The following TONSL variants were observed in gnomAD, a reference collection of about 807,000 sequenced individuals.
TONSL encodes tonsoku-like protein.
Under a neutral mutation model 147.1 loss-of-function variants are expected in TONSL, and 112 were observed. The observed-to-expected ratio is 0.76, with a 90% CI of 0.65 to 0.89. The LOEUF is 0.89. TONSL is among the 40% of genes least tolerant of loss of function. The pLI is 0.00. For missense variants in TONSL, 1,883 were observed against 1,864.6 expected, an observed-to-expected ratio of 1.01 and a Z score of -0.18; for synonymous variants, 868 against 801.5, an observed-to-expected ratio of 1.08 and a Z score of -1.40.
chr8:144,443,220 G>A lies in TONSL; in HGVS notation c.366C>T (p.Asp122=). The change falls in exon 4 of 26, where the codon GAC becomes GAT. Residue 122 remains aspartate (D), a synonymous_variant. Transcript: ENST00000409379. ...GCAAAGCATCCCTCGACTGGCAGTG[G>A]TCATAGATGTCCAGGTGGGTGCGGC... is the stretch of plus-strand genomic sequence containing the variant. ...TIGRTHLDIY[D]HCQSRDALLQ... 6 of 1,550,858 alleles carry A rather than the reference G, an allele frequency of 3.9e-6. No homozygotes were observed. The highest frequency in any genetic ancestry group is 4.4e-6 in the Non-Finnish European group (5 of 1,146,988).
chr8:144,443,002 T>G, intron 4 of TONSL, 136 bp downstream of exon 4: 1 of 1,245,392 alleles, frequency 8.0e-7, no homozygotes, highest in African/African-American at 1.5e-5. Flanking sequence ...GAGCGGGGCA[T>G]GCACCCCTCA....
At position 144,435,186 on chromosome 8, in the gene TONSL, C is replaced by CGCT. The variant is rs760826848; in HGVS notation, c.2853-19_2853-17dup. The CGCT allele has an allele frequency of 2.5e-4, 369 of 1,501,798 alleles. No homozygotes were observed. The highest frequency in any genetic ancestry group is 3.1e-4 in the Non-Finnish European group (354 of 1,126,706). 93.0% of individuals were successfully genotyped at this position (1,501,798 alleles called of 1,614,324 possible). A position where few individuals can be genotyped will look rare whatever the true frequency, so the allele number is the denominator to read the frequency against. On this transcript the variant is annotated splice_polypyrimidine_tract_variant and intron_variant, in intron 18 of 25. Coordinates refer to ENST00000409379, the MANE Select transcript of TONSL (RefSeq NM_013432.5). The stretch of plus-strand genomic sequence containing the variant: ...GGTGTCACTGCTGCAGGGACAGAGG[C>CGCT]GCTGCTGCTGCTGCCTGCACACAGC...
Position 144,430,486 on chromosome 8 carries a change from A to C in TONSL, c.3861T>G (p.Pro1287=), listed in dbSNP as rs147696873. Residue 1287 remains proline (P), a synonymous_variant, in exon 25 of 26, where the codon CCT becomes CCG. Transcript: ENST00000409379. The part of the protein sequence containing the change: ...SLISLDLSAN[P]EISCASLEEL... Reference sequence around the variant, plus strand: ...CTTCCAAGCTGGCACAGCTGATCTCAGGGTTGGCAGACAGATCCAGTGAGA... The same window carrying C: ...CTTCCAAGCTGGCACAGCTGATCTCCGGGTTGGCAGACAGATCCAGTGAGA... 3.1e-6 allele frequency: 5 copies of C among 1,613,234 alleles called. No individual in the cohort carries two copies. In the African/African-American group the frequency reaches 5.3e-5, roughly 17 times the overall value.
chr8:144,429,973 T>C (rs1260102477), intron 25 of TONSL, among the ~76,000 whole-genome samples: 2 of 152,134 alleles, frequency 1.3e-5, no homozygotes, highest in Non-Finnish European at 2.9e-5. Flanking sequence ...TGCCCTGATG[T>C]GGCTCAAGAG....
chr8:144,438,746 G>A lies in TONSL; in HGVS notation c.1481-11C>T. 6.2e-7 allele frequency: 1 copy of A among 1,612,546 alleles called. No homozygotes were observed. Among genetic ancestry groups the A allele is most frequent in the Non-Finnish European group, 8.5e-7 (1 of 1,179,710 alleles). Reference sequence around the variant, plus strand: ...CATCGGTGTCGTCCTCTGGAACAGAGCCAAGCCCACCCCAGGGGAGTCCGT... The same window carrying A: ...CATCGGTGTCGTCCTCTGGAACAGAACCAAGCCCACCCCAGGGGAGTCCGT... On this transcript the variant is annotated splice_polypyrimidine_tract_variant and intron_variant, in intron 11 of 25. Coordinates refer to ENST00000409379, the MANE Select transcript of TONSL (RefSeq NM_013432.5).
chr8:144,436,007 C>T lies in TONSL; in HGVS notation c.2426G>A (p.Gly809Asp). 1 of 1,551,332 alleles carries T rather than the reference C, an allele frequency of 6.4e-7. No individual in the cohort carries two copies. Among genetic ancestry groups the T allele is most frequent in the Non-Finnish European group, 8.7e-7 (1 of 1,151,724 alleles). ...VGSAQSRLGP[G>D]PPRGHSKALA... The stretch of plus-strand genomic sequence containing the variant: ...GGCTTTGCTGTGGCCCCGCGGTGGG[C>T]CAGGCCCCAGCCGGCTCTGAGCACT... Residue 809 changes from glycine (G) to aspartate (D), a missense_variant, in exon 17 of 26, where the codon GGC becomes GAC. Coordinates refer to ENST00000409379, the MANE Select transcript of TONSL (RefSeq NM_013432.5).
chr8:144,438,465 G>A lies in TONSL; in HGVS notation c.1653+6C>T, dbSNP rs372351783. The stretch of plus-strand genomic sequence containing the variant: ...AGCCTGTCCCACGTCCCAGAGCGGG[G>A]CCCACCTGCCTCACAAGGTCCTGGA... On this transcript the variant is annotated splice_donor_region_variant and intron_variant, in intron 13 of 25. Coordinates refer to ENST00000409379, the MANE Select transcript of TONSL (RefSeq NM_013432.5). 5 of 1,611,812 alleles carry A rather than the reference G, an allele frequency of 3.1e-6. No homozygotes were observed. The highest frequency in any genetic ancestry group is 4.2e-6 in the Non-Finnish European group (5 of 1,179,622).
chr8:144,438,155 C>T (rs1309069572), intron 13 of TONSL: 3 of 401,458 alleles, frequency 7.5e-6, no homozygotes, highest in Non-Finnish European at 9.2e-6. Context: ...CCTGCCTTGG[C>T]ATCCCAAAGT....
In TONSL at chr8:144,436,777, C is replaced by T. The variant is rs143988174; in HGVS notation, c.1870G>A (p.Val624Ile). 19 of 1,610,816 alleles carry T rather than the reference C, an allele frequency of 1.2e-5. No homozygotes were observed. The highest frequency in any genetic ancestry group is 3.3e-5 in the South Asian group (3 of 91,010). Residue 624 changes from valine to isoleucine, a missense_variant, in exon 15 of 26, where the codon GTC becomes ATC. Physicochemically the swap from Val to Ile is conservative, Grantham distance 29. Coordinates refer to ENST00000409379, the MANE Select transcript of TONSL (RefSeq NM_013432.5). ...AELLLERGAS[V>I]TLRTRKGLSP... The stretch of plus-strand genomic sequence containing the variant: ...CTCACCTTTCGAGTGCGGAGGGTGA[C>T]GGACGCCCCCCGTTCAAGCAGCAGC...
intron 23 of TONSL, 94 bp from the exon 24 acceptor site, chr8:144,431,245 G>A (rs1168891636): frequency 7.6e-6 from 9 of 1,182,378 alleles, no homozygotes; most frequent in African/African-American, 3.0e-5. Context: ...GGGCCCAGAA[G>A]GGAGCAGAGT....
At position 144,442,401 on chromosome 8, in the gene TONSL, AGGT is replaced by A; in HGVS notation, c.587_589del (p.His196del). 2 of 1,548,078 alleles carry A rather than the reference AGGT, an allele frequency of 1.3e-6. No individual in the cohort carries two copies. Among genetic ancestry groups the A allele is most frequent in the Non-Finnish European group, 1.7e-6 (2 of 1,145,186 alleles). ...GCGGGCGCGGAATAGGTCCTCGTAA[AGGT>A]GGTTCTGCCTGCAGAGGGGTGACGA... is the stretch of plus-strand genomic sequence containing the variant. On this transcript the variant is annotated inframe_deletion, in exon 6 of 26. Coordinates refer to ENST00000409379, the MANE Select transcript of TONSL (RefSeq NM_013432.5).
rs1823829972 is a variant in TONSL, at chr8:144,444,354, C to T, written c.25+36G>A. ...CGAGTCCCAAGCCCTCCCCAGCCTC[C>T]GCGCCCCCGGAGGAAGGGGTCCCCG... On this transcript the variant is annotated intron_variant, in intron 1 of 25. Transcript: ENST00000409379. The T allele has an allele frequency of 3.9e-6, 5 of 1,287,632 alleles. No homozygotes were observed. The African/African-American group carries it at 7.7e-5, about 20-fold the overall frequency. The allele number at this position is 1,287,632 out of a possible 1,614,324, so 79.8% of individuals were successfully genotyped here.
chr8:144,440,331 G>A lies in TONSL; in HGVS notation c.1290+20C>T. ...CTGGGCTCACCGGGGAGCCAGTATG[G>A]GTGGGATGGGCTCTCGCACCTGCAG... On this transcript the variant is annotated intron_variant, in intron 10 of 25. Coordinates refer to ENST00000409379, the MANE Select transcript of TONSL (RefSeq NM_013432.5). 6.3e-7 allele frequency: 1 copy of A among 1,576,112 alleles called. No homozygotes were observed. Among genetic ancestry groups the A allele is most frequent in the Non-Finnish European group, 8.6e-7 (1 of 1,157,128 alleles).
chr8:144,436,188 T>C lies in TONSL; in HGVS notation c.2245A>G (p.Ser749Gly), dbSNP rs775324481. 9 of 1,571,828 alleles carry C rather than the reference T, an allele frequency of 5.7e-6. No homozygotes were observed. Among genetic ancestry groups the C allele is most frequent in the African/African-American group, 5.4e-5 (4 of 74,366 alleles). ...TGGGACGGCCGTGCGGGGCCTGCGC[T>C]GTCCTCGCCTTCTGAGCTGCTGCTG... ...SSSSSSEGEDSAGPARPSQKR... is the reference protein window; with the variant it reads ...SSSSSSEGEDGAGPARPSQKR... Residue 749 changes from serine to glycine, a missense_variant, in exon 17 of 26, where the codon AGC (serine) becomes GGC (glycine). Transcript: ENST00000409379.
Position 144,443,230 on chromosome 8 carries a change from T to C in TONSL, c.356A>G (p.Asp119Gly). ...AWATIGRTHL[D>G]IYDHCQSRDA... ...CCTCGACTGGCAGTGGTCATAGATG[T>C]CCAGGTGGGTGCGGCCGATGGTGGC... is the stretch of plus-strand genomic sequence containing the variant. The change falls in exon 4 of 26, where the codon GAC (aspartate) becomes GGC (glycine). Residue 119 changes from aspartate (D) to glycine (G), a missense_variant. Physicochemically the swap from Asp to Gly is moderately conservative, Grantham distance 94. Coordinates refer to ENST00000409379, the MANE Select transcript of TONSL (RefSeq NM_013432.5). The C allele has an allele frequency of 1.3e-6, 2 of 1,550,814 alleles. No individual in the cohort carries two copies. Among genetic ancestry groups the C allele is most frequent in the South Asian group, 2.4e-5 (2 of 84,064 alleles).
intron 4 of TONSL, 44 bp from the exon 5 acceptor site, chr8:144,442,850 T>C (rs1823772471): frequency 1.3e-6 from 2 of 1,582,468 alleles, no homozygotes; most frequent in Non-Finnish European, 1.7e-6. Flanking sequence ...CCTCCCCACA[T>C]GGGGTTTCCA....
chr8:144,438,584 C>G, intron 12 of TONSL, 24 bp from the exon 13 acceptor site: 1 of 1,613,060 alleles, frequency 6.2e-7, no homozygotes, highest in Middle Eastern at 1.6e-4. Context: ...CAACCCAGCA[C>G]AGGGCAGGGG....
chr8:144,435,977 GC>G lies in TONSL; in HGVS notation c.2455del (p.Ala819ProfsTer24). 6.4e-7 allele frequency: 1 copy of G among 1,555,040 alleles called. No homozygotes were observed. The highest frequency in any genetic ancestry group is 2.3e-5 in the East Asian group (1 of 43,766). On this transcript the variant is annotated frameshift_variant, in exon 17 of 26. Transcript: ENST00000409379. LOFTEE classifies it high-confidence loss of function. ...CTCCGGGATGAGCGCTGCCTGGGGG[GC>G]AAGGGCTTTGCTGTGGCCCCGCGGT... The part of the protein sequence containing the change: ...GPPRGHSKAL[A>X]PQAALIPEEE...
chr8:144,435,968 G>T lies in TONSL; in HGVS notation c.2465C>A (p.Ala822Glu). Residue 822 changes from alanine (A) to glutamate (E), a missense_variant, in exon 17 of 26, where the codon GCA (alanine) becomes GAA (glutamate). Ala to Glu is a moderately radical substitution (Grantham distance 107). Transcript: ENST00000409379. Reference sequence around the variant, plus strand: ...GCACTCCTCCTCCGGGATGAGCGCTGCCTGGGGGGCAAGGGCTTTGCTGTG... The same window carrying T: ...GCACTCCTCCTCCGGGATGAGCGCTTCCTGGGGGGCAAGGGCTTTGCTGTG... ...RGHSKALAPQ[A>E]ALIPEEECLA... 1 of 1,556,812 alleles carries T rather than the reference G, an allele frequency of 6.4e-7. No homozygotes were observed. The highest frequency in any genetic ancestry group is 8.7e-7 in the Non-Finnish European group (1 of 1,151,506).
Sources: allele counts gnomAD v4.1 joint callset (sites outside exome capture counted in the v4.1 genomes callset), GRCh38; gene constraint gnomAD v4.1.1; transcripts MANE v1.5; gene names NCBI Gene and HGNC (gene_info 2026-07-23, HGNC 2026-07-21).